PITPNM2: variants seen among roughly 807,000 people sequenced by gnomAD.
The protein encoded by PITPNM2 is membrane-associated phosphatidylinositol transfer protein 2.
A neutral mutation model predicts 132.2 loss-of-function variants in PITPNM2; 35 were observed. The observed-to-expected ratio is 0.26, with a 90% CI of 0.20 to 0.35. PITPNM2 has a LOEUF of 0.35. Among genes scored for constraint, PITPNM2 ranks in the 10% least tolerant of loss-of-function variants. PITPNM2 has a pLI of 1.00. For missense variants in PITPNM2, 1,332 were observed against 1,912.0 expected (o/e 0.70, Z 5.66); for synonymous variants, 738 against 799.2 (o/e 0.92, Z 1.29).
chr12:122,996,918 G>A lies in PITPNM2; in HGVS notation c.1473-8C>T, dbSNP rs201327954. On this transcript the variant is annotated splice_region_variant and splice_polypyrimidine_tract_variant and intron_variant, in intron 11 of 25. Transcript: ENST00000320201. ...TGGCTGTAGGGGCTGAGGCTGGGGA[G>A]AGGGGCCAGTCAAGAGAGGGCAGGC... is the stretch of plus-strand genomic sequence containing the variant. 6 of 1,563,628 alleles carry A rather than the reference G, an allele frequency of 3.8e-6. No homozygotes were observed. In the Admixed American group the frequency reaches 1.1e-4, roughly 28 times the overall value.
At chr12:123,034,322 G>A (rs1592961396) in intron 3 of PITPNM2, 191 bp downstream of exon 3, 6 of 542,574 alleles carry the variant, frequency 1.1e-5, no homozygotes, top group South Asian at 8.7e-5. Flanking sequence ...GATGCCGTGC[G>A]CCCATGGTGT....
chr12:122,987,467 G>A (rs1594116560), intron 22 of PITPNM2, 37 bp from the exon 23 acceptor site: 2 of 1,611,732 alleles, frequency 1.2e-6, no homozygotes, highest in Non-Finnish European at 8.5e-7. Flanking sequence ...GAACCACCCA[G>A]AGCCTCGCCC....
At chr12:123,081,405 A>C (rs2041957795) in intron 2 of PITPNM2, 1 of 152,354 alleles carries the variant, frequency 6.6e-6, no homozygotes, top group South Asian at 2.1e-4. Context: ...AGGGGCTGTA[A>C]AATTGGAATA....
intron 1 of PITPNM2, among the ~76,000 whole-genome samples, chr12:123,142,331 C>G (rs570920092): frequency 6.6e-6 from 1 of 152,230 alleles, no homozygotes; most frequent in Non-Finnish European, 1.5e-5. Flanking sequence ...TAATACAAAT[C>G]GTGCTCTGGA....
rs77582057 is a variant in PITPNM2 at position 123,021,736 on chromosome 12, G to A, written c.79-7694C>T. ...CTCTCAGGGAGGTGGCAGAACATGC[G>A]GGCTTAGAGCATAGTTTCTGTGGTT... On this transcript the variant is annotated intron_variant, in intron 3 of 25. Transcript: ENST00000320201. The A allele has an allele frequency of 1.7e-3, 1,626 of 980,350 alleles. 17 individuals are homozygous for A. In the African/African-American group the frequency reaches 0.025, roughly 15 times the overall value. The allele number at this position is 980,350 out of a possible 1,614,324, so 60.7% of individuals were successfully genotyped here.
chr12:123,091,653 T>C (rs2042273581), intron 2 of PITPNM2: 1 of 152,088 alleles, frequency 6.6e-6, no homozygotes, highest in African/African-American at 2.4e-5. Context: ...TAGGGTCAGC[T>C]TTGCTGATAT....
chr12:123,033,321 A>C (rs1055211060), intron 3 of PITPNM2, among the ~76,000 whole-genome samples: 3 of 152,198 alleles, frequency 2.0e-5, no homozygotes, highest in Non-Finnish European at 4.4e-5. Flanking sequence ...GAGGGTGGAC[A>C]GAAGGCCAGC....
chr12:122,996,615 C>T lies in PITPNM2; in HGVS notation c.1663-38G>A, dbSNP rs1014558618. 1.2e-5 allele frequency: 19 copies of T among 1,612,682 alleles called. No homozygotes were observed. In the Middle Eastern group the frequency reaches 8.3e-4, roughly 70 times the overall value. On this transcript the variant is annotated intron_variant, in intron 12 of 25. Transcript: ENST00000320201. Reference sequence around the variant, plus strand: ...GGGCCAGAGGCCTGAGCCATTCACCCGCTCGCTGGACTATAGGCTGGGGAG... The same window carrying T: ...GGGCCAGAGGCCTGAGCCATTCACCTGCTCGCTGGACTATAGGCTGGGGAG...
At chr12:123,068,781 T>C (rs1375906873) in intron 2 of PITPNM2, among the ~76,000 whole-genome samples, 1 of 152,172 alleles carries the variant, frequency 6.6e-6, no homozygotes, top group Admixed American at 6.5e-5. Context: ...GCTCCAGCAC[T>C]TACGAACCCC....
chr12:123,000,277 G>A lies in PITPNM2; in HGVS notation c.1224+501C>T, dbSNP rs1262152150. 1 of 622,300 alleles carries A rather than the reference G, an allele frequency of 1.6e-6. No homozygotes were observed. Among genetic ancestry groups the A allele is most frequent in the Non-Finnish European group, 2.9e-6 (1 of 347,592 alleles). 38.5% of individuals were successfully genotyped at this position (622,300 alleles called of 1,614,324 possible). ...GGAGGATGGGGCATGAACTCCCACA[G>A]AGAACCCCCGAAGCGGATACAGGCG... On this transcript the variant is annotated intron_variant, in intron 10 of 25. Transcript: ENST00000320201. This position sits in a 1 kb window ranked among gnomAD's most constrained non-coding sequence, Gnocchi z 5.4.
chr12:123,083,120 T>G lies in PITPNM2; in HGVS notation c.-96+27265A>C, dbSNP rs1347596285. The G allele has an allele frequency of 1.3e-5, 2 of 152,118 alleles. No homozygotes were observed. The highest frequency in any genetic ancestry group is 2.9e-5 in the Non-Finnish European group (2 of 68,038). 9.4% of individuals were successfully genotyped at this position (152,118 alleles called of 1,614,324 possible). A position where few individuals can be genotyped will look rare whatever the true frequency, so the allele number is the denominator to read the frequency against. ...TTGTAGTCCCAGCTACAGGAGGCTGTGGTGGGAGGATTGTTTGACCCAGGA... is the reference window on the plus strand; with the variant it reads ...TTGTAGTCCCAGCTACAGGAGGCTGGGGTGGGAGGATTGTTTGACCCAGGA... On this transcript the variant is annotated intron_variant, in intron 2 of 25. Transcript: ENST00000320201. The surrounding 1 kb of genome is among the most constrained non-coding windows in gnomAD (Gnocchi z 4.5).
At chr12:123,086,662 C>T (rs1000394882) in intron 2 of PITPNM2, among the ~76,000 whole-genome samples, 3 of 152,166 alleles carry the variant, frequency 2.0e-5, no homozygotes, top group African/African-American at 7.2e-5. Context: ...TAGTGACTTG[C>T]CCCAGGACAT....
In PITPNM2 at chr12:123,012,607, G is replaced by A; in HGVS notation, c.415+6C>T. On this transcript the variant is annotated splice_donor_region_variant and intron_variant, in intron 5 of 25. Coordinates refer to ENST00000320201, the MANE Select transcript of PITPNM2 (RefSeq NM_020845.3). ...AGCCCTGTGGGGCTCTGCCCTTCCT[G>A]GTTACCGATTGTCAGCTGGTTCTTT... is the stretch of plus-strand genomic sequence containing the variant. 6.2e-7 allele frequency: 1 copy of A among 1,613,974 alleles called. No individual in the cohort carries two copies. Among genetic ancestry groups the A allele is most frequent in the South Asian group, 1.1e-5 (1 of 91,068 alleles).
At chr12:123,127,591 G>A (rs924396516) in intron 1 of PITPNM2, among the ~76,000 whole-genome samples, 1 of 150,722 alleles carries the variant, frequency 6.6e-6, no homozygotes, top group Non-Finnish European at 1.5e-5. Flanking sequence ...TGAGAGTTAT[G>A]CCCTGCCTCT....
At chr12:123,105,811 G>A (rs1185297983) in intron 2 of PITPNM2, among the ~76,000 whole-genome samples, 1 of 152,128 alleles carries the variant, frequency 6.6e-6, no homozygotes, top group Non-Finnish European at 1.5e-5. Context: ...AGGGAAGGCA[G>A]AAACGAGAGG....
At chr12:123,119,651 C>A (rs1199747937) in intron 1 of PITPNM2, among the ~76,000 whole-genome samples, 1 of 152,108 alleles carries the variant, frequency 6.6e-6, no homozygotes, top group Admixed American at 6.6e-5. Flanking sequence ...AGCCACCGCG[C>A]CTGGCTGAGG....
In PITPNM2 at chr12:122,996,644, G is replaced by A. The variant is rs375246879; in HGVS notation, c.1663-67C>T. 1.9e-3 allele frequency: 3,010 copies of A among 1,611,042 alleles called. 11 individuals carry two copies. Among genetic ancestry groups the A allele is most frequent in the South Asian group, 4.1e-3 (375 of 91,008 alleles). ...CGCTGGACTATAGGCTGGGGAGGCC[G>A]TCACCTTCCCCCTGAGGCCAGCCCG... On this transcript the variant is annotated intron_variant, in intron 12 of 25. Coordinates refer to ENST00000320201, the MANE Select transcript of PITPNM2 (RefSeq NM_020845.3).
intron 2 of PITPNM2, among the ~76,000 whole-genome samples, chr12:123,066,847 C>T (rs886339633): frequency 1.3e-5 from 2 of 152,122 alleles, no homozygotes; most frequent in African/African-American, 4.8e-5. Flanking sequence ...GAGGCAAAGT[C>T]GCCCTTGCTG....
intron 2 of PITPNM2, among the ~76,000 whole-genome samples, chr12:123,093,801 CA>C (rs2042333316): frequency 6.6e-6 from 1 of 152,264 alleles, no homozygotes; most frequent in Non-Finnish European, 1.5e-5. Flanking sequence ...AGCCACAAGA[CA>C]CCAACATTCA....
Sources: gnomAD v4.1 joint callset for allele counts (sites outside exome capture counted in the v4.1 genomes callset) on GRCh38, gnomAD v4.1.1 for gene constraint, Gnocchi (gnomAD v3.1) non-coding constraint, MANE v1.5 for transcripts, NCBI Gene and HGNC (gene_info 2026-07-23, HGNC 2026-07-21) for gene names.